Variants in PTPN21 observed in about 807,000 individuals in gnomAD.
PTPN21 encodes the protein protein tyrosine phosphatase non-receptor type 21.
PTPN21 carries 77 observed loss-of-function variants against 131.8 expected under a neutral mutation model. That is an observed-to-expected ratio of 0.58 (90% CI 0.49 to 0.71). The LOEUF (loss-of-function observed/expected upper bound fraction) is 0.71. Among genes scored for constraint, PTPN21 ranks in the 30% least tolerant of loss-of-function variants. The probability of loss-of-function intolerance (pLI) is 0.00; values close to 1 mark genes in which losing one functional copy is unlikely to be tolerated. For synonymous variants in PTPN21, 715 were observed against 621.3 expected, an observed-to-expected ratio of 1.15 and a Z score of -2.24; for missense variants, 1,552 against 1,527.1, an observed-to-expected ratio of 1.02 and a Z score of -0.27.
At position 88,466,533 on chromosome 14, in the gene PTPN21, T is replaced by C. The variant is rs919634436; in HGVS notation, c.*1604A>G. Reference sequence around the variant, plus strand: ...TGTAATTTGGGAAACAGCCCTAGATTTGACATTTTGGAAGTTCACTGTAAG... The same window carrying C: ...TGTAATTTGGGAAACAGCCCTAGATCTGACATTTTGGAAGTTCACTGTAAG... On this transcript the variant is annotated 3_prime_UTR_variant, in exon 19 of 19. Transcript: ENST00000556564. 1.1e-4 allele frequency: 16 copies of C among 152,266 alleles called. No individual in the cohort carries two copies. The highest frequency in any genetic ancestry group is 9.8e-4 in the Admixed American group (15 of 15,286). 9.4% of individuals were successfully genotyped at this position (152,266 alleles called of 1,614,324 possible).
Position 88,469,530 on chromosome 14 carries a change from A to G in PTPN21, c.3204T>C (p.His1068=). Residue 1068 remains histidine (H), a synonymous_variant, in exon 17 of 19, where the codon CAT becomes CAC. Transcript: ENST00000556564. The surrounding 1 kb of genome is among the most constrained non-coding windows in gnomAD (Gnocchi z 4.3). ...ATCCCTTGAGGTCTTCTGGACAGCC[A>G]TGTTCAGGCCAGTCTGTGTATTGGA... ...WHLQYTDWPE[H]GCPEDLKGFL... 2 of 1,614,154 alleles carry G rather than the reference A, an allele frequency of 1.2e-6. No individual in the cohort carries two copies. Among genetic ancestry groups the G allele is most frequent in the African/African-American group, 2.7e-5 (2 of 75,036 alleles).
At position 88,466,594 on chromosome 14, in the gene PTPN21, C is replaced by T. The variant is rs1219972092; in HGVS notation, c.*1543G>A. On this transcript the variant is annotated 3_prime_UTR_variant, in exon 19 of 19. Coordinates refer to ENST00000556564, the MANE Select transcript of PTPN21 (RefSeq NM_007039.4). ...AAAAAGAAGGAAAAGGGAAAGGGTT[C>T]CTCAGCTAAATATCCCACTCATCCA... The T allele has an allele frequency of 6.6e-6, 1 of 152,178 alleles. No individual in the cohort carries two copies. Among genetic ancestry groups the T allele is most frequent in the African/African-American group, 2.4e-5 (1 of 41,446 alleles). 9.4% of individuals were successfully genotyped at this position (152,178 alleles called of 1,614,324 possible).
rs531673679 is a variant in PTPN21, at chr14:88,466,023, G to A, written c.*2114C>T. On this transcript the variant is annotated 3_prime_UTR_variant, in exon 19 of 19. Coordinates refer to ENST00000556564, the MANE Select transcript of PTPN21 (RefSeq NM_007039.4). ...TCTTGTCAACGAGCTATGTCAAACT[G>A]TTTGTTTAAACCTGACAGAAAAGCA... The A allele has an allele frequency of 2.0e-4, 30 of 150,864 alleles. No homozygotes were observed. The highest frequency in any genetic ancestry group is 7.1e-4 in the African/African-American group (29 of 41,102). 9.3% of individuals were successfully genotyped at this position (150,864 alleles called of 1,614,324 possible). A position where few individuals can be genotyped will look rare whatever the true frequency, so the allele number is the denominator to read the frequency against.
At chr14:88,542,130 T>G (rs2078716074) in intron 2 of PTPN21, among the ~76,000 whole-genome samples, 1 of 152,214 alleles carries the variant, frequency 6.6e-6, no homozygotes, top group African/African-American at 2.4e-5. Context: ...AGCTACGTAA[T>G]CACTCAAACT....
rs182443330 is a variant in PTPN21, at chr14:88,526,833, A to C, written c.181-9572T>G. ...CCCATCCTTCCCCTGGAAACCCCAA[A>C]GTCCATTACATCATTCTCATGCCTT... is the stretch of plus-strand genomic sequence containing the variant. On this transcript the variant is annotated intron_variant, in intron 2 of 18. Coordinates refer to ENST00000556564, the MANE Select transcript of PTPN21 (RefSeq NM_007039.4). 3.8e-3 allele frequency among the ~76,000 whole-genome samples: 573 copies of C among 152,246 alleles called. 2 individuals carry two copies. Among genetic ancestry groups the C allele is most frequent in the Non-Finnish European group, 4.5e-3 (303 of 68,006 alleles).
chr14:88,508,121 T>A, intron 3 of PTPN21, 101 bp from the exon 4 acceptor site: 1 of 568,188 alleles, frequency 1.8e-6, no homozygotes, highest in South Asian at 2.8e-5. Flanking sequence ...ACCAGTGAAA[T>A]AAAACCTTAA....
chr14:88,517,061 TC>T (rs747048002), intron 3 of PTPN21, 30 bp downstream of exon 3: 1 of 1,608,936 alleles, frequency 6.2e-7, no homozygotes. Flanking sequence ...CTAGACTATT[TC>T]CTAAAAACAA....
At chr14:88,500,729 A>G in intron 8 of PTPN21, 54 bp downstream of exon 8, 2 of 1,241,302 alleles carry the variant, frequency 1.6e-6, no homozygotes, top group South Asian at 2.4e-5. Flanking sequence ...GTACTAAAAA[A>G]TGTATCACCA....
At chr14:88,498,686 G>T (rs949087851) in intron 8 of PTPN21, among the ~76,000 whole-genome samples, 1 of 152,150 alleles carries the variant, frequency 6.6e-6, no homozygotes, top group South Asian at 2.1e-4. Context: ...GCACAAAAGT[G>T]GGGGAGGTGT....
Position 88,505,293 on chromosome 14 carries a change from AG to A in PTPN21, c.516+10del. 1 of 1,581,646 alleles carries A rather than the reference AG, an allele frequency of 6.3e-7. No individual in the cohort carries two copies. Among genetic ancestry groups the A allele is most frequent in the Non-Finnish European group, 8.7e-7 (1 of 1,152,532 alleles). ...TTCTTTTAAAAGGCCCAGTGTCAAA[AG>A]AAGTCTTACCACAGGAAACAAGGCA... On this transcript the variant is annotated intron_variant, in intron 5 of 18. Coordinates refer to ENST00000556564, the MANE Select transcript of PTPN21 (RefSeq NM_007039.4).
chr14:88,523,601 C>A (rs887088514), intron 2 of PTPN21, among the ~76,000 whole-genome samples: 3 of 151,936 alleles, frequency 2.0e-5, no homozygotes, highest in Non-Finnish European at 2.9e-5. Flanking sequence ...CTAACCAGAG[C>A]AATTAGGCAA....
At chr14:88,531,296 C>T (rs961656973) in intron 2 of PTPN21, among the ~76,000 whole-genome samples, 34 of 152,148 alleles carry the variant, frequency 2.2e-4, no homozygotes, top group African/African-American at 2.4e-5. Flanking sequence ...CAGTGGCTCA[C>T]GCCTGTAATC....
chr14:88,533,611 A>T (rs74447839), intron 2 of PTPN21, among the ~76,000 whole-genome samples: 1,917 of 152,300 alleles, frequency 0.013, 40 homozygotes, highest in African/African-American at 0.043. Flanking sequence ...GGCCAGGTGC[A>T]GTAGCTCCCA....
intron 12 of PTPN21, among the ~76,000 whole-genome samples, chr14:88,480,702 T>C (rs911920015): frequency 1.4e-4 from 22 of 152,206 alleles, no homozygotes; most frequent in African/African-American, 5.3e-4. Context: ...TCTGCCTTTC[T>C]TCCCTGGGTA....
At chr14:88,473,898 G>T in intron 13 of PTPN21, 96 bp from the exon 14 acceptor site, 1 of 1,118,470 alleles carries the variant, frequency 8.9e-7, no homozygotes, top group Non-Finnish European at 1.3e-6. Context: ...CACACAGAGG[G>T]AGTGTTCTCC....
rs377150321 is a variant in PTPN21 at position 88,478,912 on chromosome 14, T to G, written c.2511+8A>C. On this transcript the variant is annotated splice_region_variant and intron_variant, in intron 13 of 18. Coordinates refer to ENST00000556564, the MANE Select transcript of PTPN21 (RefSeq NM_007039.4). ...CCCTGGCCCGGCACTGCTCGCCGCG[T>G]GGCTTACCCCTAGAGGCGGGAGCCC... is the stretch of plus-strand genomic sequence containing the variant. The G allele has an allele frequency of 6.8e-7, 1 of 1,466,888 alleles. No homozygotes were observed. The highest frequency in any genetic ancestry group is 2.5e-5 in the East Asian group (1 of 40,036). 90.9% of individuals were successfully genotyped at this position (1,466,888 alleles called of 1,614,324 possible).
chr14:88,510,388 C>G (rs1358132738), intron 3 of PTPN21, among the ~76,000 whole-genome samples: 1 of 152,198 alleles, frequency 6.6e-6, no homozygotes, highest in African/African-American at 2.4e-5. Context: ...GCTTTCTCCA[C>G]TATTTAATAA....
intron 2 of PTPN21, among the ~76,000 whole-genome samples, chr14:88,518,388 A>G (rs181604884): frequency 0.16 from 1,174 of 7,378 alleles, 57 homozygotes; most frequent in African/African-American, 0.17. Context: ...GTGTGTGTGT[A>G]TATATATATA....
chr14:88,474,889 TGAGAC>T (rs2077526565), intron 13 of PTPN21, among the ~76,000 whole-genome samples: 1 of 152,072 alleles, frequency 6.6e-6, no homozygotes, highest in Admixed American at 6.6e-5. Context: ...GTCAGGAGAT[TGAGAC>T]CATCCTGGCC....
Sources: allele counts gnomAD v4.1 joint callset (sites outside exome capture counted in the v4.1 genomes callset), GRCh38; gene constraint gnomAD v4.1.1; non-coding constraint Gnocchi (gnomAD v3.1); transcripts MANE v1.5; gene names NCBI Gene and HGNC (gene_info 2026-07-23, HGNC 2026-07-21).